Variants in SUGCT observed in about 807,000 individuals in gnomAD.
SUGCT encodes succinyl-CoA:glutarate CoA-transferase.
SUGCT carries 41 observed loss-of-function variants against 55.0 expected under a neutral mutation model. The observed-to-expected ratio is 0.74, with a 90% confidence interval of 0.58 to 0.97. SUGCT has a LOEUF of 0.97. Among genes scored for constraint, SUGCT ranks in the 50% least tolerant of loss-of-function variants. The pLI, the probability that SUGCT is intolerant of heterozygous loss-of-function variation, is 0.00. For missense variants in SUGCT, 568 were observed against 547.8 expected (o/e 1.04, Z -0.37); for synonymous variants, 187 against 200.4 (o/e 0.93, Z 0.56).
chr7:40,236,442 C>CAAAAAAAAAAAAAAAAAAAAAAAAAAA (rs60720770), intron 6 of SUGCT, among the ~76,000 whole-genome samples: 11 of 90,022 alleles, frequency 1.2e-4, no homozygotes, highest in African/African-American at 4.5e-4. Context: ...TTTCTGATGG[C>CAAAAAAAAAAAAAAAAAAAAAAAAAAA]AAAAAAAAAA....
the SUGCT span, among the ~76,000 whole-genome samples, chr7:40,876,663 C>T: frequency 1.3e-5 from 2 of 152,220 alleles, no homozygotes; most frequent in African/African-American, 4.8e-5. Flanking sequence ...AGCTTCACCA[C>T]CATAAATCAG....
chr7:40,227,649 C>T (rs1013427662), intron 6 of SUGCT, among the ~76,000 whole-genome samples: 6 of 151,334 alleles, frequency 4.0e-5, no homozygotes, highest in South Asian at 2.1e-4. Context: ...TAGTTGTATA[C>T]GTCTCAATTA....
rs1316228811 is a variant in SUGCT, at chr7:40,253,585, C to T, written c.576+15859C>T. Among the ~76,000 whole-genome samples the T allele has an allele frequency of 3.3e-5, 5 of 150,590 alleles. No homozygotes were observed. In the East Asian group the frequency reaches 9.7e-4, roughly 29 times the overall value. On this transcript the variant is annotated intron_variant, in intron 7 of 13. Coordinates refer to ENST00000335693, the MANE Select transcript of SUGCT (RefSeq NM_001193313.2). ...TATATTTACATTTTTTTTTTTGAGG[C>T]GGAGCCTCGCTCTGTTGCCCAGGCT... is the stretch of plus-strand genomic sequence containing the variant.
chr7:40,737,420 ATT>A (rs1352136474), intron 12 of SUGCT, among the ~76,000 whole-genome samples: 1 of 152,038 alleles, frequency 6.6e-6, no homozygotes, highest in Admixed American at 6.6e-5. Flanking sequence ...TCAAATAAAG[ATT>A]TTTTTTCTTT....
intron 12 of SUGCT, among the ~76,000 whole-genome samples, chr7:40,696,247 A>G (rs1656567446): frequency 6.6e-6 from 1 of 152,196 alleles, no homozygotes. Context: ...CTGTGCCGTT[A>G]TCCTAGCCAT....
chr7:40,818,201 G>C (rs569368326), intron 13 of SUGCT, among the ~76,000 whole-genome samples: 20 of 152,356 alleles, frequency 1.3e-4, no homozygotes, highest in African/African-American at 4.8e-4. Context: ...ACCCTGGTCT[G>C]TCTACAGGCA....
At position 40,550,164 on chromosome 7, in the gene SUGCT, T is replaced by A. The variant is rs138835449; in HGVS notation, c.1089+53778T>A. Among the ~76,000 whole-genome samples the A allele has an allele frequency of 2.9e-3, 447 of 152,300 alleles. 2 individuals are homozygous for A. Among genetic ancestry groups the A allele is most frequent in the East Asian group, 0.029 (150 of 5,180 alleles). The stretch of plus-strand genomic sequence containing the variant: ...CTAAACAGTCATAAATTGTTATCTA[T>A]GCTGGTGGCTCTACTACCCGATTAA... On this transcript the variant is annotated intron_variant, in intron 12 of 13. Coordinates refer to ENST00000335693, the MANE Select transcript of SUGCT (RefSeq NM_001193313.2).
chr7:40,749,522 C>T, intron 13 of SUGCT, 25 bp downstream of exon 13: 1 of 1,582,548 alleles, frequency 6.3e-7, no homozygotes, highest in Non-Finnish European at 8.7e-7. Context: ...GGTATTTTCT[C>T]TAGCACCTTT....
the SUGCT span, among the ~76,000 whole-genome samples, chr7:40,941,220 C>T: frequency 6.6e-6 from 1 of 152,154 alleles, no homozygotes; most frequent in African/African-American, 2.4e-5. Flanking sequence ...GCATTTCATG[C>T]TGTAAACATT....
chr7:40,638,464 C>T (rs1307104135), intron 12 of SUGCT, among the ~76,000 whole-genome samples: 8 of 152,070 alleles, frequency 5.3e-5, no homozygotes, highest in Non-Finnish European at 8.8e-5. Flanking sequence ...TTAATCTCAG[C>T]GCTTTACATG....
At chr7:40,488,894 T>C (rs963460850) in intron 11 of SUGCT, among the ~76,000 whole-genome samples, 1 of 152,194 alleles carries the variant, frequency 6.6e-6, no homozygotes, top group African/African-American at 2.4e-5. Context: ...TTCAGTATCC[T>C]CTCTATGGTT....
At chr7:40,582,111 A>G (rs1245681354) in intron 12 of SUGCT, among the ~76,000 whole-genome samples, 1 of 152,216 alleles carries the variant, frequency 6.6e-6, no homozygotes, top group African/African-American at 2.4e-5. Flanking sequence ...ATCGCTCTCT[A>G]TAACAATAAT....
At chr7:41,026,933 G>A in the SUGCT span, among the ~76,000 whole-genome samples, 2 of 152,162 alleles carry the variant, frequency 1.3e-5, no homozygotes, top group African/African-American at 2.4e-5. Context: ...TCAGGAGGCT[G>A]AGGCAGGAGA....
At chr7:40,470,673 C>T (rs564523351) in intron 11 of SUGCT, among the ~76,000 whole-genome samples, 4 of 151,992 alleles carry the variant, frequency 2.6e-5, no homozygotes, top group African/African-American at 9.6e-5. Flanking sequence ...GGAATAATTG[C>T]TTATTCTCCT....
intron 13 of SUGCT, among the ~76,000 whole-genome samples, chr7:40,806,988 C>T (rs535523641): frequency 6.4e-4 from 98 of 152,284 alleles, no homozygotes; most frequent in African/African-American, 2.3e-3. Context: ...AGGATATTCA[C>T]TACCCACCTT....
At chr7:40,543,913 A>G (rs765399567) in intron 12 of SUGCT, among the ~76,000 whole-genome samples, 10 of 152,284 alleles carry the variant, frequency 6.6e-5, no homozygotes, top group Non-Finnish European at 1.3e-4. Context: ...CACTGCCAAC[A>G]TTTATTGAGA....
At chr7:40,322,992 T>TAAAATAAAATAAAATAAAATA (rs1322474606) in intron 9 of SUGCT, among the ~76,000 whole-genome samples, 1 of 151,936 alleles carries the variant, frequency 6.6e-6, no homozygotes, top group Non-Finnish European at 1.5e-5. Flanking sequence ...TAAAATAAAA[T>TAAAATAAAATAAAATAAAATA]AAACTACTAC....
At chr7:40,382,035 A>G (rs1383087259) in intron 9 of SUGCT, among the ~76,000 whole-genome samples, 1 of 150,728 alleles carries the variant, frequency 6.6e-6, no homozygotes, top group African/African-American at 2.4e-5. Context: ...GTGTGTGTGT[A>G]ACTCTAGGAA....
At chr7:40,275,816 A>G (rs1477402111) in intron 8 of SUGCT, among the ~76,000 whole-genome samples, 1 of 152,226 alleles carries the variant, frequency 6.6e-6, no homozygotes, top group African/African-American at 2.4e-5. Flanking sequence ...TAAAAGGGTT[A>G]ACTCACTGTC....
Sources: gnomAD v4.1 joint callset for allele counts (sites outside exome capture counted in the v4.1 genomes callset) on GRCh38, gnomAD v4.1.1 for gene constraint, MANE v1.5 for transcripts, NCBI Gene and HGNC (gene_info 2026-07-23, HGNC 2026-07-21) for gene names.